CENPW: variants seen among roughly 807,000 people sequenced by gnomAD.
The protein encoded by CENPW is cancer-up-regulated gene 2 protein.
CENPW carries 3 observed loss-of-function variants against 11.1 expected under a neutral mutation model. The observed-to-expected ratio is 0.27, with a 90% CI of 0.12 to 0.70. The LOEUF is 0.70. CENPW is among the 30% of genes least tolerant of loss of function. The pLI, the probability that CENPW is intolerant of heterozygous loss-of-function variation, is 0.77. For synonymous variants in CENPW, 38 were observed against 42.0 expected, an observed-to-expected ratio of 0.91 and a Z score of 0.37; for missense variants, 100 against 105.6, an observed-to-expected ratio of 0.95 and a Z score of 0.23.
chr6:126,390,129 A>G, the CENPW span, among the ~76,000 whole-genome samples: 1 of 151,780 alleles, frequency 6.6e-6, no homozygotes, highest in South Asian at 2.1e-4. Flanking sequence ...TACTCAACCA[A>G]TCATCAAATT....
At chr6:126,478,620 AGTTAT>A in the CENPW span, among the ~76,000 whole-genome samples, 20 of 151,948 alleles carry the variant, frequency 1.3e-4, no homozygotes, top group Non-Finnish European at 2.4e-4. Context: ...AACTGGCTGC[AGTTAT>A]GTTTCTTTAT....
At chr6:126,355,397 G>A in the CENPW span, among the ~76,000 whole-genome samples, 3 of 151,998 alleles carry the variant, frequency 2.0e-5, no homozygotes, top group African/African-American at 7.2e-5. Flanking sequence ...CTGTGTTCAG[G>A]TTGGCCAGTT....
At chr6:126,410,942 C>G in the CENPW span, among the ~76,000 whole-genome samples, 4 of 152,060 alleles carry the variant, frequency 2.6e-5, no homozygotes, top group Admixed American at 6.6e-5. Context: ...ACTGCATTTT[C>G]TTAATATCAT....
the CENPW span, among the ~76,000 whole-genome samples, chr6:126,404,695 T>C: frequency 6.6e-6 from 1 of 152,094 alleles, no homozygotes; most frequent in Non-Finnish European, 1.5e-5. Flanking sequence ...CTTTTGATAA[T>C]AGCCGTTATA....
the CENPW span, among the ~76,000 whole-genome samples, chr6:126,404,471 C>T: frequency 6.6e-4 from 100 of 152,114 alleles, no homozygotes; most frequent in Non-Finnish European, 9.6e-4. Context: ...GCAGTAAACA[C>T]GGGAGTGCAG....
chr6:126,447,960 A>G, the CENPW span, among the ~76,000 whole-genome samples: 2 of 151,316 alleles, frequency 1.3e-5, no homozygotes, highest in Non-Finnish European at 3.0e-5. Context: ...ATGAATATGT[A>G]TTATTCGCTT....
chr6:126,402,880 T>C, the CENPW span, among the ~76,000 whole-genome samples: 6 of 152,216 alleles, frequency 3.9e-5, no homozygotes, highest in African/African-American at 1.4e-4. Flanking sequence ...ATCACAGATA[T>C]TGCATTTTTT....
the CENPW span, among the ~76,000 whole-genome samples, chr6:126,463,916 A>G: frequency 0.46 from 69,104 of 151,820 alleles, 17,399 homozygotes; most frequent in East Asian, 0.97. Context: ...TTTTTAAATA[A>G]GATACCTTTT....
chr6:126,380,701 A>T, the CENPW span, among the ~76,000 whole-genome samples: 1 of 152,220 alleles, frequency 6.6e-6, no homozygotes, highest in African/African-American at 2.4e-5. Flanking sequence ...ATTTTTAAAG[A>T]TCCTATTGGG....
chr6:126,340,269 A>C lies in CENPW; in HGVS notation c.-5A>C. 1 of 1,613,284 alleles carries C rather than the reference A, an allele frequency of 6.2e-7. No individual in the cohort carries two copies. Among genetic ancestry groups the C allele is most frequent in the Non-Finnish European group, 8.5e-7 (1 of 1,179,984 alleles). On this transcript the variant is annotated 5_prime_UTR_variant, in exon 1 of 3. Coordinates refer to ENST00000368328, the MANE Select transcript of CENPW (RefSeq NM_001012507.4). ...AGCTGAGGCAGCTGGTACTTGACAG[A>C]GAGGATGGCGCTGTCGACCATAGTC...
chr6:126,455,227 A>G, the CENPW span, among the ~76,000 whole-genome samples: 1 of 151,466 alleles, frequency 6.6e-6, no homozygotes, highest in African/African-American at 2.4e-5. Context: ...TAAGGCTAGC[A>G]TCATCCTGAT....
chr6:126,467,592 T>C, the CENPW span, among the ~76,000 whole-genome samples: 2 of 152,124 alleles, frequency 1.3e-5, no homozygotes, highest in Non-Finnish European at 2.9e-5. Context: ...AATGTAAATG[T>C]AAATTAAATA....
the CENPW span, among the ~76,000 whole-genome samples, chr6:126,402,758 TTGA>T: frequency 1.2e-4 from 18 of 152,118 alleles, no homozygotes; most frequent in Non-Finnish European, 2.1e-4. Flanking sequence ...CATTTGTCAG[TTGA>T]TGAACGTTTG....
At chr6:126,366,194 G>C in the CENPW span, among the ~76,000 whole-genome samples, 2 of 152,116 alleles carry the variant, frequency 1.3e-5, no homozygotes, top group East Asian at 3.9e-4. Flanking sequence ...TGTATTATAA[G>C]TTCAAGTTAG....
the CENPW span, among the ~76,000 whole-genome samples, chr6:126,418,750 C>T: frequency 6.6e-6 from 1 of 151,858 alleles, no homozygotes; most frequent in East Asian, 1.9e-4. Context: ...ATGATGCAGC[C>T]ATACAAAATG....
chr6:126,468,864 TG>T, the CENPW span, among the ~76,000 whole-genome samples: 1 of 152,124 alleles, frequency 6.6e-6, no homozygotes, highest in Non-Finnish European at 1.5e-5. Flanking sequence ...AGTGCAGTGG[TG>T]TGATCTTGGC....
At chr6:126,376,893 G>T in the CENPW span, among the ~76,000 whole-genome samples, 1 of 152,254 alleles carries the variant, frequency 6.6e-6, no homozygotes, top group East Asian at 1.9e-4. Flanking sequence ...CAGGAATGGG[G>T]CTGTGGTAGG....
At chr6:126,380,697 A>G in the CENPW span, among the ~76,000 whole-genome samples, 3 of 152,238 alleles carry the variant, frequency 2.0e-5, no homozygotes, top group Non-Finnish European at 2.9e-5. Context: ...ACATATTTTT[A>G]AAGATCCTAT....
chr6:126,469,347 C>T, the CENPW span, among the ~76,000 whole-genome samples: 1 of 152,204 alleles, frequency 6.6e-6, no homozygotes, highest in Non-Finnish European at 1.5e-5. Flanking sequence ...AAGGCACCTG[C>T]TTCCCCTCCA....
Sources: allele counts gnomAD v4.1 joint callset (sites outside exome capture counted in the v4.1 genomes callset), GRCh38; gene constraint gnomAD v4.1.1; transcripts MANE v1.5; gene names NCBI Gene and HGNC (gene_info 2026-07-23, HGNC 2026-07-21).